Variants in G3BP2 observed in about 807,000 individuals in gnomAD.
The protein encoded by G3BP2 is ras GTPase-activating protein-binding protein 2.
In G3BP2, 11 loss-of-function variants were observed where a neutral mutation model predicts 56.7. The observed-to-expected ratio is 0.19, with a 90% CI of 0.12 to 0.32. The LOEUF (loss-of-function observed/expected upper bound fraction) is 0.32. Among genes scored for constraint, G3BP2 ranks in the 10% least tolerant of loss-of-function variants. G3BP2 has a pLI of 1.00. For missense variants in G3BP2, 340 were observed against 610.9 expected, an observed-to-expected ratio of 0.56 and a Z score of 4.67; for synonymous variants, 165 against 191.6, an observed-to-expected ratio of 0.86 and a Z score of 1.15.
At chr4:75,677,121 A>G (rs1380544426), upstream of G3BP2, among the ~76,000 whole-genome samples, 1 of 152,212 alleles carries the variant, frequency 6.6e-6, no homozygotes. Context: ...ACTTCAGCAT[A>G]AAATACTTAG....
At chr4:75,683,031 G>A (rs953771169) in intron 3 of G3BP2, among the ~76,000 whole-genome samples, 2 of 151,700 alleles carry the variant, frequency 1.3e-5, no homozygotes, top group African/African-American at 4.8e-5. Context: ...TAGACACAGC[G>A]CATTGTGACT....
chr4:75,711,629 C>T (rs1296696655), intron 3 of G3BP2, among the ~76,000 whole-genome samples: 1 of 152,066 alleles, frequency 6.6e-6, no homozygotes. Context: ...AGGAGAACTG[C>T]TTGAATCCAG....
At chr4:75,651,248 C>T (rs1053298693) in intron 8 of G3BP2, among the ~76,000 whole-genome samples, 1 of 152,114 alleles carries the variant, frequency 6.6e-6, no homozygotes, top group Non-Finnish European at 1.5e-5. Context: ...ACTAAATGCA[C>T]CTTTATTACA....
chr4:75,664,356 C>T (rs1732821517), intron 1 of G3BP2, among the ~76,000 whole-genome samples: 1 of 151,742 alleles, frequency 6.6e-6, no homozygotes, highest in Non-Finnish European at 1.5e-5. Context: ...GTGGGCAGAT[C>T]GCCTGAGGTC....
At chr4:75,706,542 TG>T in intron 3 of G3BP2, among the ~76,000 whole-genome samples, 1 of 152,092 alleles carries the variant, frequency 6.6e-6, no homozygotes, top group South Asian at 2.1e-4. Context: ...CGGGGCGTGG[TG>T]GCGCATGCCT....
At chr4:75,717,699 T>C (rs1201111388) in intron 3 of G3BP2, among the ~76,000 whole-genome samples, 2 of 152,186 alleles carry the variant, frequency 1.3e-5, no homozygotes, top group Non-Finnish European at 2.9e-5. Context: ...ACTGCAACCC[T>C]ACCCTGGCTA....
At chr4:75,698,262 A>T (rs1191443618) in intron 3 of G3BP2, among the ~76,000 whole-genome samples, 1 of 152,202 alleles carries the variant, frequency 6.6e-6, no homozygotes, top group East Asian at 1.9e-4. Flanking sequence ...GGAAGGAAGC[A>T]GCCAGTGAAG....
At chr4:75,647,711 T>C (rs1731336583) in intron 9 of G3BP2, among the ~76,000 whole-genome samples, 1 of 152,192 alleles carries the variant, frequency 6.6e-6, no homozygotes, top group Non-Finnish European at 1.5e-5. Context: ...ATTTGTGTAA[T>C]ATTTGACATA....
At chr4:75,672,753 C>T (rs1733589252) in intron 1 of G3BP2, 1 of 152,972 alleles carries the variant, frequency 6.5e-6, no homozygotes, top group Admixed American at 6.5e-5. Flanking sequence ...CTCTCCGCTC[C>T]GAAGGAACAA....
chr4:75,715,665 G>C (rs1719901616), intron 3 of G3BP2, among the ~76,000 whole-genome samples: 3 of 152,188 alleles, frequency 2.0e-5, no homozygotes. Context: ...GGCTCAAAAA[G>C]CTTCATGCAA....
intron 1 of G3BP2, among the ~76,000 whole-genome samples, chr4:75,664,440 G>C (rs935816348): frequency 3.3e-5 from 5 of 151,604 alleles, no homozygotes; most frequent in Admixed American, 3.3e-4. Context: ...GCCAGGCGTG[G>C]TGGCTGGCGC....
At chr4:75,674,710 ATATATATATTTTTT>A (rs1394680717), upstream of G3BP2, among the ~76,000 whole-genome samples, 524 of 47,828 alleles carry the variant, frequency 0.011, 5 homozygotes, top group African/African-American at 0.034. Flanking sequence ...ATATATATAT[ATATATATATTTTTT>A]TTTTTTTTTT....
chr4:75,681,710 G>A (rs1357369577), intron 3 of G3BP2, among the ~76,000 whole-genome samples: 14 of 151,672 alleles, frequency 9.2e-5, no homozygotes, highest in Non-Finnish European at 1.6e-4. Context: ...TTAGCCGGGC[G>A]TGGTGGTGTG....
chr4:75,673,647 C>T, upstream of G3BP2: 1 of 1,229,464 alleles, frequency 8.1e-7, no homozygotes, highest in Non-Finnish European at 1.0e-6. Context: ...GATTTGACGT[C>T]ACAAGCAGGC....
chr4:75,659,376 C>T (rs1363287448), intron 2 of G3BP2, among the ~76,000 whole-genome samples: 2 of 152,150 alleles, frequency 1.3e-5, no homozygotes, highest in Non-Finnish European at 2.9e-5. Context: ...TGATTACTAA[C>T]TCTAAAGGCT....
intron 3 of G3BP2, among the ~76,000 whole-genome samples, chr4:75,690,797 C>G (rs1052785088): frequency 2.0e-5 from 3 of 152,086 alleles, no homozygotes; most frequent in Non-Finnish European, 4.4e-5. Context: ...CTCCTGGGCT[C>G]AAGCAATCCA....
chr4:75,648,967 C>T, intron 8 of G3BP2: 1 of 332,440 alleles, frequency 3.0e-6, no homozygotes, highest in Non-Finnish European at 5.5e-6. Flanking sequence ...GTGTAACTCA[C>T]AATAAGTTGC....
rs1297000735 is a variant in G3BP2, at chr4:75,644,929, T to C, written c.*501A>G. 2 of 153,498 alleles carry C rather than the reference T, an allele frequency of 1.3e-5. No individual in the cohort carries two copies. Among genetic ancestry groups the C allele is most frequent in the Non-Finnish European group, 2.9e-5 (2 of 68,632 alleles). 9.5% of individuals were successfully genotyped at this position (153,498 alleles called of 1,614,324 possible). ...TGTTGCCTCCTGTTGCAGATGTCAATGTTAATGAGTTCAGAGTACCCATTA... is the reference window on the plus strand; with the variant it reads ...TGTTGCCTCCTGTTGCAGATGTCAACGTTAATGAGTTCAGAGTACCCATTA... On this transcript the variant is annotated 3_prime_UTR_variant, in exon 12 of 12. Transcript: ENST00000359707.
chr4:75,654,680 G>A (rs1731951726), intron 7 of G3BP2, among the ~76,000 whole-genome samples: 1 of 152,142 alleles, frequency 6.6e-6, no homozygotes, highest in African/African-American at 2.4e-5. Context: ...ACAAACAACA[G>A]GTATCTCTTC....
Sources: allele counts gnomAD v4.1 joint callset (sites outside exome capture counted in the v4.1 genomes callset), GRCh38; gene constraint gnomAD v4.1.1; transcripts MANE v1.5; gene names NCBI Gene and HGNC (gene_info 2026-07-23, HGNC 2026-07-21).